The following ZNF200 variants were observed in gnomAD, a reference collection of about 807,000 sequenced individuals.
ZNF200 encodes the protein zinc finger protein 200.
A neutral mutation model predicts 33.6 loss-of-function variants in ZNF200; 35 were observed. The ratio of observed to expected loss-of-function variants is 1.04; its 90% CI spans 0.80 to 1.38. The LOEUF (loss-of-function observed/expected upper bound fraction) is 1.38, where lower values mean the gene tolerates loss of function less well. ZNF200 is among the 40% of genes most tolerant of loss of function. ZNF200 has a pLI of 0.00. For synonymous variants in ZNF200, 209 were observed against 167.7 expected (o/e 1.25, Z -1.90); for missense variants, 592 against 470.6 (o/e 1.26, Z -2.39).
Position 3,232,460 on chromosome 16 carries a change from T to A in ZNF200, c.427A>T (p.Lys143Ter). Residue 143 changes from lysine to a stop codon, truncating the protein, a stop_gained, in exon 4 of 5, where the codon AAG (lysine) becomes TAG (stop). Transcript: ENST00000414144. LOFTEE classifies it high-confidence loss of function. The part of the protein sequence containing the change: ...LDPTQQLTSE[K>*]EDDSSVGEMM... ...TCCCCGACACTGCTGTCATCTTCCTTCTCTGACGTGAGTTGTTGAGTAGGA... is the reference window on the plus strand; with the variant it reads ...TCCCCGACACTGCTGTCATCTTCCTACTCTGACGTGAGTTGTTGAGTAGGA... 1.2e-6 allele frequency: 2 copies of A among 1,614,084 alleles called. No homozygotes were observed. Among genetic ancestry groups the A allele is most frequent in the Non-Finnish European group, 1.7e-6 (2 of 1,179,978 alleles).
At chr16:3,233,479 C>T (rs775013478) in intron 2 of ZNF200, 27 bp downstream of exon 2, 5 of 1,503,452 alleles carry the variant, frequency 3.3e-6, no homozygotes, top group African/African-American at 2.8e-5. Flanking sequence ...TCCTCCTCTT[C>T]TAGTGAAACA....
In ZNF200 at chr16:3,233,585, TG is replaced by T; in HGVS notation, c.170del (p.Pro57GlnfsTer17). The T allele has an allele frequency of 6.2e-7, 1 of 1,612,936 alleles. No individual in the cohort carries two copies. Among genetic ancestry groups the T allele is most frequent in the Non-Finnish European group, 8.5e-7 (1 of 1,179,472 alleles). On this transcript the variant is annotated frameshift_variant, in exon 2 of 5. Coordinates refer to ENST00000414144, the MANE Select transcript of ZNF200 (RefSeq NM_198088.3). LOFTEE classifies it high-confidence loss of function. ...LEHFLTFLPK[P>X]SLVQPSQKVK... Reference sequence around the variant, plus strand: ...CTTTCTGACTGGGCTGGACCAGGCTTGGCTTGGGCAAGAAGGTGAGGAAGTG... The same window carrying T: ...CTTTCTGACTGGGCTGGACCAGGCTTGCTTGGGCAAGAAGGTGAGGAAGTG...
chr16:3,233,090 C>G (rs1170256031), intron 2 of ZNF200, among the ~76,000 whole-genome samples, 169 bp from the exon 3 acceptor site: 1 of 152,162 alleles, frequency 6.6e-6, no homozygotes, highest in African/African-American at 2.4e-5. Flanking sequence ...GGTCTTGAAC[C>G]TATGGCATCT....
chr16:3,233,902 G>A (rs1567225757), intron 1 of ZNF200, 66 bp from the exon 2 acceptor site: 3 of 1,339,112 alleles, frequency 2.2e-6, no homozygotes, highest in East Asian at 2.5e-5. Context: ...TCCAATATGT[G>A]GCATGGCTGG....
Position 3,230,865 on chromosome 16 carries a change from G to T in ZNF200, c.466+1556C>A, listed in dbSNP as rs181143372. ...TCAATTCCACCTTCTTCACTACTCT[G>T]CCCCGGGTCCAAATCTTACCTCAGT... is the stretch of plus-strand genomic sequence containing the variant. On this transcript the variant is annotated intron_variant, in intron 4 of 4. Transcript: ENST00000414144. Among the ~76,000 whole-genome samples, 217 of 152,124 alleles carry T rather than the reference G, an allele frequency of 1.4e-3. 2 individuals are homozygous for T. Among genetic ancestry groups the T allele is most frequent in the Middle Eastern group, 0.01 (3 of 294 alleles).
rs2141614759 is a variant in ZNF200, at chr16:3,224,606, A to G, written c.474T>C (p.Asn158=). 5.7e-6 allele frequency: 9 copies of G among 1,588,616 alleles called. No homozygotes were observed. In the East Asian group the frequency reaches 2.0e-4, roughly 36 times the overall value. The change falls in exon 5 of 5, where the codon AAT becomes AAC. Residue 158 remains asparagine (N), a synonymous_variant. Transcript: ENST00000414144. The part of the protein sequence containing the change: ...SVGEMMLLAV[N]GSNPEGEDPE... The stretch of plus-strand genomic sequence containing the variant: ...GATCTTCACCTTCAGGATTACTGCC[A>G]TTGACTGCTGAAACAAAGAGAGAAT...
At chr16:3,232,986 C>G in intron 2 of ZNF200, 65 bp from the exon 3 acceptor site, 1 of 1,447,324 alleles carries the variant, frequency 6.9e-7, no homozygotes, top group Non-Finnish European at 9.6e-7. Flanking sequence ...ACTCCCCATA[C>G]CGCGAGGCCA....
At position 3,223,945 on chromosome 16, in the gene ZNF200, A is replaced by G. The variant is rs1412139333; in HGVS notation, c.1135T>C (p.Cys379Arg). 2 of 1,614,120 alleles carry G rather than the reference A, an allele frequency of 1.2e-6. No homozygotes were observed. The highest frequency in any genetic ancestry group is 1.7e-6 in the Non-Finnish European group (2 of 1,180,034). The change falls in exon 5 of 5, where the codon TGT (cysteine) becomes CGT (arginine). Residue 379 changes from cysteine to arginine, a missense_variant. Physicochemically the swap from Cys to Arg is radical, Grantham distance 180. Transcript: ENST00000414144. ...GAGTGGGTTTTCTCATGCCGGGTAC[A>G]GTTTGACAGCCGACCAAATCTTCTC... Reference protein sequence around the residue: ...CGRRFGRLSNCTRHEKTHSAC... With the variant: ...CGRRFGRLSNRTRHEKTHSAC...
At chr16:3,231,070 G>C (rs1958623784) in intron 4 of ZNF200, among the ~76,000 whole-genome samples, 1 of 152,178 alleles carries the variant, frequency 6.6e-6, no homozygotes, top group South Asian at 2.1e-4. Context: ...TTTATGAAAT[G>C]CTGGTAAATG....
chr16:3,232,998 G>C (rs1293133995), intron 2 of ZNF200, 77 bp from the exon 3 acceptor site: 2 of 1,313,962 alleles, frequency 1.5e-6, no homozygotes, highest in Non-Finnish European at 2.2e-6. Context: ...GCGAGGCCAG[G>C]CTGTCCTCAT....
chr16:3,224,662 A>G, intron 4 of ZNF200, 49 bp from the exon 5 acceptor site: 1 of 1,520,312 alleles, frequency 6.6e-7, no homozygotes, highest in Non-Finnish European at 8.8e-7. Flanking sequence ...TCACAACACC[A>G]GGCAGGAAAA....
chr16:3,228,793 C>T (rs947006855), intron 4 of ZNF200, among the ~76,000 whole-genome samples: 1 of 152,076 alleles, frequency 6.6e-6, no homozygotes, highest in Non-Finnish European at 1.5e-5. Context: ...AACCACTGTG[C>T]CCAGCATGGG....
At chr16:3,231,083 T>TAA (rs1472387374) in intron 4 of ZNF200, among the ~76,000 whole-genome samples, 1 of 152,162 alleles carries the variant, frequency 6.6e-6, no homozygotes, top group East Asian at 1.9e-4. Flanking sequence ...GGTAAATGAC[T>TAA]AAGCTTAAGC....
In ZNF200 at chr16:3,223,870, G is replaced by A. The variant is rs1213372273; in HGVS notation, c.*22C>T. The stretch of plus-strand genomic sequence containing the variant: ...CTCTCAGGTTGAGGCAGCACCATCA[G>A]ACCCAGAAAGGGTTCCCAGTATTAC... On this transcript the variant is annotated 3_prime_UTR_variant, in exon 5 of 5. Transcript: ENST00000414144. The A allele has an allele frequency of 5.1e-6, 8 of 1,583,610 alleles. No individual in the cohort carries two copies. Among genetic ancestry groups the A allele is most frequent in the Non-Finnish European group, 6.9e-6 (8 of 1,165,570 alleles).
Position 3,223,731 on chromosome 16 carries a change from T to A in ZNF200, c.*161A>T. ...AATGTTTTCTTCCCTGTGAATTTTC[T>A]AGCAATTTGAGGTTTTAGCTAAGAT... is the stretch of plus-strand genomic sequence containing the variant. On this transcript the variant is annotated 3_prime_UTR_variant, in exon 5 of 5. Transcript: ENST00000414144. 2 of 1,113,242 alleles carry A rather than the reference T, an allele frequency of 1.8e-6. No individual in the cohort carries two copies. The highest frequency in any genetic ancestry group is 2.5e-6 in the Non-Finnish European group (2 of 796,618). 69.0% of individuals were successfully genotyped at this position (1,113,242 alleles called of 1,614,324 possible).
intron 2 of ZNF200, 77 bp downstream of exon 2, chr16:3,233,429 A>T (rs781388857): frequency 6.8e-6 from 10 of 1,472,748 alleles, no homozygotes; most frequent in Non-Finnish European, 1.8e-6. Context: ...ACTTGAATTT[A>T]TAACTAACAC....
In ZNF200 at chr16:3,223,479, C is replaced by T. The variant is rs1012374360; in HGVS notation, c.*413G>A. On this transcript the variant is annotated 3_prime_UTR_variant, in exon 5 of 5. Coordinates refer to ENST00000414144, the MANE Select transcript of ZNF200 (RefSeq NM_198088.3). ...TTGGTTCTTTCACCAGAACACAGTT[C>T]CAGATAAGCATCTTTGCACTATTTC... is the stretch of plus-strand genomic sequence containing the variant. 3.1e-5 allele frequency: 5 copies of T among 159,394 alleles called. No homozygotes were observed. The highest frequency in any genetic ancestry group is 1.2e-4 in the African/African-American group (5 of 41,658). The allele number at this position is 159,394 out of a possible 1,614,324, so 9.9% of individuals were successfully genotyped here.
intron 4 of ZNF200, among the ~76,000 whole-genome samples, chr16:3,230,435 CT>C (rs1596339525): frequency 1.3e-5 from 2 of 152,218 alleles, no homozygotes; most frequent in East Asian, 3.9e-4. Flanking sequence ...GAATCTGAGT[CT>C]TTGTTTGTTG....
chr16:3,233,806 C>G lies in ZNF200; in HGVS notation c.-51G>C, dbSNP rs773387471. On this transcript the variant is annotated 5_prime_UTR_variant, in exon 2 of 5. Transcript: ENST00000414144. ...TTTCGCGGGGCCTCCAGAGCCACCTCTTACTAGAGGAAATCTGCCAGAGAG... is the reference window on the plus strand; with the variant it reads ...TTTCGCGGGGCCTCCAGAGCCACCTGTTACTAGAGGAAATCTGCCAGAGAG... The G allele has an allele frequency of 6.5e-7, 1 of 1,545,010 alleles. No individual in the cohort carries two copies.
Sources: gnomAD v4.1 joint callset for allele counts (sites outside exome capture counted in the v4.1 genomes callset) on GRCh38, gnomAD v4.1.1 for gene constraint, MANE v1.5 for transcripts, NCBI Gene and HGNC (gene_info 2026-07-23, HGNC 2026-07-21) for gene names.